Variants in FGF12 observed in about 807,000 individuals in gnomAD.
FGF12 encodes fibroblast growth factor 12B.
A neutral mutation model predicts 23.6 loss-of-function variants in FGF12; 14 were observed. The ratio of observed to expected loss-of-function variants is 0.59; its 90% CI spans 0.39 to 0.93. The LOEUF (loss-of-function observed/expected upper bound fraction) is 0.93. Among genes scored for constraint, FGF12 ranks in the 40% least tolerant of loss-of-function variants. FGF12 has a pLI of 0.00. For missense variants in FGF12, 175 were observed against 217.8 expected (o/e 0.80, Z 1.24); for synonymous variants, 62 against 77.3 (o/e 0.80, Z 1.04).
chr3:192,316,963 A>G lies in FGF12; in HGVS notation c.228+18398T>C, dbSNP rs148942734. Among the ~76,000 whole-genome samples the G allele has an allele frequency of 2.0e-3, 304 of 152,310 alleles. 1 individual carries two copies. Among genetic ancestry groups the G allele is most frequent in the African/African-American group, 6.9e-3 (285 of 41,570 alleles). ...GCCTGCATTCCAGGCCCTAGCTCCC[A>G]GATGAAATTTTTAGACACACCCTGG... On this transcript the variant is annotated intron_variant, in intron 4 of 5. Transcript: ENST00000445105.
intron 2 of FGF12, among the ~76,000 whole-genome samples, chr3:192,373,904 A>G (rs1560089974): frequency 6.6e-6 from 1 of 152,242 alleles, no homozygotes; most frequent in Non-Finnish European, 1.5e-5. Context: ...ATATTTCAGG[A>G]TTCAATACAG....
intron 2 of FGF12, among the ~76,000 whole-genome samples, chr3:192,571,892 C>G (rs1407743668): frequency 6.6e-6 from 1 of 152,070 alleles, no homozygotes. Context: ...GTCTTTGCCC[C>G]TCCTGGGAAC....
In FGF12 at chr3:192,142,522, T is replaced by G. The variant is rs1035575002; in HGVS notation, c.*1487A>C. On this transcript the variant is annotated 3_prime_UTR_variant, in exon 6 of 6. Coordinates refer to ENST00000445105, the MANE Select transcript of FGF12 (RefSeq NM_004113.6). ...TTTTTTTTCTTTAAATTTGGATGTC[T>G]CTACACCACTCCTGATTTGTAGGAC... is the stretch of plus-strand genomic sequence containing the variant. 2 of 152,518 alleles carry G rather than the reference T, an allele frequency of 1.3e-5. No homozygotes were observed. The highest frequency in any genetic ancestry group is 4.8e-5 in the African/African-American group (2 of 41,440). 9.4% of individuals were successfully genotyped at this position (152,518 alleles called of 1,614,324 possible). A position where few individuals can be genotyped will look rare whatever the true frequency, so the allele number is the denominator to read the frequency against.
intron 4 of FGF12, among the ~76,000 whole-genome samples, chr3:192,250,234 C>T (rs1711916890): frequency 6.6e-6 from 1 of 152,042 alleles, no homozygotes. Flanking sequence ...GAATTTGGTT[C>T]TCTGGCCCTG....
At chr3:192,179,459 A>C (rs1391797153) in intron 4 of FGF12, among the ~76,000 whole-genome samples, 1 of 151,534 alleles carries the variant, frequency 6.6e-6, no homozygotes, top group African/African-American at 2.4e-5. Flanking sequence ...CAAACCCTTG[A>C]TTTTTGACCT....
chr3:192,483,926 T>C (rs1233743755), intron 2 of FGF12, among the ~76,000 whole-genome samples: 2 of 152,158 alleles, frequency 1.3e-5, no homozygotes, highest in Non-Finnish European at 2.9e-5. Context: ...AAGGAGACAT[T>C]ATGCTCTTGA....
At chr3:192,169,969 C>A (rs879712541) in intron 5 of FGF12, among the ~76,000 whole-genome samples, 3 of 148,228 alleles carry the variant, frequency 2.0e-5, no homozygotes, top group Non-Finnish European at 4.5e-5. Context: ...ATAAAAGTAT[C>A]ATTTGTTTTT....
At chr3:192,413,419 G>A (rs1273959062) in intron 2 of FGF12, among the ~76,000 whole-genome samples, 2 of 152,030 alleles carry the variant, frequency 1.3e-5, no homozygotes, top group Non-Finnish European at 2.9e-5. Flanking sequence ...AACTACATCT[G>A]CAAAATAGAT....
chr3:192,345,138 A>C (rs907121614), intron 3 of FGF12, among the ~76,000 whole-genome samples: 4 of 152,228 alleles, frequency 2.6e-5, no homozygotes, highest in Non-Finnish European at 5.9e-5. Flanking sequence ...TTAATTCATC[A>C]CATATATTCC....
intron 3 of FGF12, among the ~76,000 whole-genome samples, chr3:192,346,693 C>A (rs1021604608): frequency 1.3e-5 from 2 of 152,076 alleles, no homozygotes; most frequent in Non-Finnish European, 2.9e-5. Flanking sequence ...TATGTGAAAA[C>A]TCAATCATTT....
chr3:192,623,736 A>G (rs1715058185), intron 2 of FGF12, among the ~76,000 whole-genome samples: 1 of 152,184 alleles, frequency 6.6e-6, no homozygotes, highest in African/African-American at 2.4e-5. Flanking sequence ...AGGCTGTAAG[A>G]AAATCAGCCA....
chr3:192,394,695 C>T (rs538295587), intron 2 of FGF12, among the ~76,000 whole-genome samples: 66 of 152,244 alleles, frequency 4.3e-4, no homozygotes, highest in African/African-American at 1.6e-3. Context: ...ATCATTTTAC[C>T]TTAGACTGAA....
At chr3:192,342,893 T>C (rs72607872) in intron 3 of FGF12, among the ~76,000 whole-genome samples, 38,069 of 151,964 alleles carry the variant, frequency 0.25, 7,934 homozygotes, top group East Asian at 0.59. Flanking sequence ...ACACACCATA[T>C]TATTCCAGTA....
At chr3:192,175,649 CT>C (rs1715818543) in intron 4 of FGF12, among the ~76,000 whole-genome samples, 1 of 152,120 alleles carries the variant, frequency 6.6e-6, no homozygotes, top group African/African-American at 2.4e-5. Context: ...TTGACCAATT[CT>C]TTTTCACATT....
chr3:192,309,030 C>T (rs537105913), intron 4 of FGF12, among the ~76,000 whole-genome samples: 1 of 152,262 alleles, frequency 6.6e-6, no homozygotes, highest in East Asian at 1.9e-4. Context: ...ATATTACTTG[C>T]TTTTTGTAAA....
intron 4 of FGF12, among the ~76,000 whole-genome samples, chr3:192,311,927 G>GTCTATCTATCTATCTATCTATCTA (rs35183560): frequency 1.4e-5 from 2 of 145,364 alleles, no homozygotes; most frequent in Non-Finnish European, 1.5e-5. Flanking sequence ...TTGACTGTCT[G>GTCTATCTATCTATCTATCTATCTA]TCTATCTATC....
At chr3:192,339,116 T>C (rs990911480) in intron 3 of FGF12, among the ~76,000 whole-genome samples, 9 of 152,196 alleles carry the variant, frequency 5.9e-5, no homozygotes, top group African/African-American at 2.2e-4. Context: ...TTGTGAGACT[T>C]ACTAAGCCCA....
At chr3:192,663,152 T>C (rs1211276555) in intron 2 of FGF12, among the ~76,000 whole-genome samples, 1 of 152,242 alleles carries the variant, frequency 6.6e-6, no homozygotes, top group Non-Finnish European at 1.5e-5. Context: ...AGGTAATTTG[T>C]GTAGAAGTGC....
At chr3:192,391,221 A>T (rs753457180) in intron 2 of FGF12, among the ~76,000 whole-genome samples, 3 of 152,236 alleles carry the variant, frequency 2.0e-5, no homozygotes, top group Non-Finnish European at 4.4e-5. Flanking sequence ...GGACAACAAT[A>T]TGCTCAGAAC....
Sources: gnomAD v4.1 joint callset for allele counts (sites outside exome capture counted in the v4.1 genomes callset) on GRCh38, gnomAD v4.1.1 for gene constraint, MANE v1.5 for transcripts, NCBI Gene and HGNC (gene_info 2026-07-23, HGNC 2026-07-21) for gene names.